The following PDS5A variants were observed in gnomAD, a reference collection of about 807,000 sequenced individuals.
PDS5A encodes sister chromatid cohesion protein PDS5 homolog A.
PDS5A carries 42 observed loss-of-function variants against 167.1 expected under a neutral mutation model. The ratio of observed to expected loss-of-function variants is 0.25; its 90% CI spans 0.20 to 0.33. PDS5A has a LOEUF of 0.33. PDS5A is among the 10% of genes least tolerant of loss of function. The pLI is 1.00. For missense variants in PDS5A, 1,033 were observed against 1,605.9 expected (o/e 0.64, Z 6.10); for synonymous variants, 553 against 554.6 (o/e 1.00, Z 0.04).
chr4:39,890,469 A>G (rs2109619931), intron 16 of PDS5A, 105 bp from the exon 17 acceptor site: 2 of 675,516 alleles, frequency 3.0e-6, no homozygotes, highest in East Asian at 5.5e-5. Context: ...TAAGTGGTTA[A>G]GAATTGTCTG....
chr4:39,891,325 T>A (rs1201632504), intron 16 of PDS5A, among the ~76,000 whole-genome samples: 1 of 151,318 alleles, frequency 6.6e-6, no homozygotes, highest in Non-Finnish European at 1.5e-5. Flanking sequence ...TGAGCCACTG[T>A]GCCTGGCCAG....
chr4:39,904,310 C>A, intron 11 of PDS5A, 119 bp from the exon 12 acceptor site: 1 of 518,308 alleles, frequency 1.9e-6, no homozygotes, highest in Non-Finnish European at 3.2e-6. Flanking sequence ...AACTGGCACA[C>A]TATTTCTCTT....
chr4:39,876,267 C>G (rs1336519924), intron 19 of PDS5A, among the ~76,000 whole-genome samples: 1 of 152,104 alleles, frequency 6.6e-6, no homozygotes, highest in Non-Finnish European at 1.5e-5. Context: ...AGGGCAGGGA[C>G]TAATTGTGGT....
intron 16 of PDS5A, among the ~76,000 whole-genome samples, chr4:39,894,067 A>T (rs1461469064): frequency 1.3e-5 from 2 of 152,220 alleles, no homozygotes; most frequent in Non-Finnish European, 2.9e-5. Flanking sequence ...AATGCCAAAG[A>T]AGTCAATGAA....
Position 39,942,071 on chromosome 4 carries a change from C to T in PDS5A, c.139-13907G>A, listed in dbSNP as rs115509062. ...AGATTTTAAAACCAAACACAGTGCT[C>T]CTAAATTAATGTTATCCCAACTCAA... is the stretch of plus-strand genomic sequence containing the variant. On this transcript the variant is annotated intron_variant, in intron 2 of 32. Transcript: ENST00000303538. 2.0e-5 allele frequency among the ~76,000 whole-genome samples: 3 copies of T among 152,130 alleles called. No homozygotes were observed. In the South Asian group the frequency reaches 6.2e-4, roughly 31 times the overall value.
intron 9 of PDS5A, among the ~76,000 whole-genome samples, chr4:39,911,835 T>TAAAA (rs35068853): frequency 2.4e-5 from 3 of 125,290 alleles, no homozygotes; most frequent in Non-Finnish European, 1.7e-5. Flanking sequence ...CCGTCTCAAT[T>TAAAA]AAAAAAAAAA....
chr4:39,974,632 C>A (rs1730897507), intron 2 of PDS5A, among the ~76,000 whole-genome samples: 1 of 152,054 alleles, frequency 6.6e-6, no homozygotes, highest in Non-Finnish European at 1.5e-5. Context: ...AAAACTTCCG[C>A]CTCCCGGGTT....
At chr4:39,868,089 AAAG>A (rs1437559176) in intron 22 of PDS5A, among the ~76,000 whole-genome samples, 6 of 152,342 alleles carry the variant, frequency 3.9e-5, no homozygotes, top group Non-Finnish European at 7.3e-5. Flanking sequence ...AAAGATTATC[AAAG>A]AAGATGATAC....
At chr4:39,883,957 C>G (rs1249859627) in intron 17 of PDS5A, among the ~76,000 whole-genome samples, 2 of 146,460 alleles carry the variant, frequency 1.4e-5, no homozygotes, top group Non-Finnish European at 3.0e-5. Context: ...TTTTTTGAGT[C>G]TCGCTCTGTC....
intron 29 of PDS5A, 122 bp from the exon 30 acceptor site, chr4:39,844,923 A>G: frequency 1.9e-6 from 2 of 1,052,780 alleles, no homozygotes; most frequent in Middle Eastern, 2.3e-4. Flanking sequence ...TTTACCAGAA[A>G]TGTTCATTCT....
intron 16 of PDS5A, among the ~76,000 whole-genome samples, chr4:39,895,253 T>C (rs976885635): frequency 4.0e-5 from 6 of 149,676 alleles, no homozygotes; most frequent in Non-Finnish European, 8.9e-5. Flanking sequence ...AATTTCATCA[T>C]GTGAACATTA....
At chr4:39,854,234 C>T (rs926290117) in intron 26 of PDS5A, among the ~76,000 whole-genome samples, 2 of 152,146 alleles carry the variant, frequency 1.3e-5, no homozygotes, top group South Asian at 2.1e-4. Flanking sequence ...ACCTGGGAGG[C>T]GGAGGTTGCA....
At chr4:39,854,372 A>C (rs1303460963) in intron 26 of PDS5A, among the ~76,000 whole-genome samples, 1 of 152,222 alleles carries the variant, frequency 6.6e-6, no homozygotes, top group African/African-American at 2.4e-5. Context: ...AGAATAAATG[A>C]GGTAACATTT....
At chr4:39,875,220 T>C (rs557299524) in intron 19 of PDS5A, among the ~76,000 whole-genome samples, 2 of 152,100 alleles carry the variant, frequency 1.3e-5, no homozygotes, top group African/African-American at 2.4e-5. Flanking sequence ...GTTGATGACA[T>C]GAAAAAGCAT....
intron 2 of PDS5A, among the ~76,000 whole-genome samples, chr4:39,951,555 T>A (rs1335591923): frequency 6.6e-6 from 1 of 152,126 alleles, no homozygotes; most frequent in Non-Finnish European, 1.5e-5. Flanking sequence ...CAGCATTAAG[T>A]GTTAATGGCT....
intron 32 of PDS5A, among the ~76,000 whole-genome samples, chr4:39,836,359 T>C (rs2109479482): frequency 6.6e-6 from 1 of 152,312 alleles, no homozygotes; most frequent in East Asian, 1.9e-4. Flanking sequence ...CATGAGAGGA[T>C]GTGAAAGATT....
chr4:39,949,830 A>AAAAAAAAAG (rs1417384333), intron 2 of PDS5A, among the ~76,000 whole-genome samples: 2 of 150,666 alleles, frequency 1.3e-5, no homozygotes, highest in Non-Finnish European at 3.0e-5. Flanking sequence ...AGAAAAAAAA[A>AAAAAAAAAG]AAAAAGAAAA....
intron 22 of PDS5A, among the ~76,000 whole-genome samples, chr4:39,867,767 CA>C (rs879416010): frequency 0.023 from 2,966 of 129,088 alleles, 89 homozygotes; most frequent in East Asian, 0.1. Context: ...CACACACACA[CA>C]CACACACCCC....
At chr4:39,866,804 T>C (rs1376207753) in intron 23 of PDS5A, 57 bp downstream of exon 23, 43 of 1,506,802 alleles carry the variant, frequency 2.9e-5, no homozygotes, top group Non-Finnish European at 3.2e-5. Flanking sequence ...ATAATTCCTA[T>C]GTAAATTCCA....
Sources: gnomAD v4.1 joint callset for allele counts (sites outside exome capture counted in the v4.1 genomes callset) on GRCh38, gnomAD v4.1.1 for gene constraint, MANE v1.5 for transcripts, NCBI Gene and HGNC (gene_info 2026-07-23, HGNC 2026-07-21) for gene names.